Variants in PRR16 observed in about 807,000 individuals in gnomAD.
PRR16 encodes the protein protein Largen.
In PRR16, 6 loss-of-function variants were observed where a neutral mutation model predicts 18.2. That is an observed-to-expected ratio of 0.33 (90% CI 0.18 to 0.65). The LOEUF is 0.65. Ranked by LOEUF, PRR16 falls within the 30% of genes least tolerant of loss-of-function variation. The pLI, the probability that PRR16 is intolerant of heterozygous loss-of-function variation, is 0.74. For synonymous variants in PRR16, 151 were observed against 147.8 expected (o/e 1.02, Z -0.16); for missense variants, 412 against 376.6 (o/e 1.09, Z -0.78).
At chr5:120,661,784 G>A (rs148711122) in intron 1 of PRR16, among the ~76,000 whole-genome samples, 363 of 152,032 alleles carry the variant, frequency 2.4e-3, no homozygotes, top group Non-Finnish European at 3.3e-3. Context: ...TCTAGATCAC[G>A]CTACAGTACC....
At chr5:120,600,830 G>T (rs1753958114) in intron 1 of PRR16, among the ~76,000 whole-genome samples, 1 of 151,818 alleles carries the variant, frequency 6.6e-6, no homozygotes, top group African/African-American at 2.4e-5. Context: ...GAAGTATTTG[G>T]TTTTCTGTTC....
chr5:120,763,222 C>G, the PRR16 span, among the ~76,000 whole-genome samples: 1 of 152,064 alleles, frequency 6.6e-6, no homozygotes, highest in East Asian at 1.9e-4. Flanking sequence ...TATCGGCTCA[C>G]TGCAACCTCT....
At chr5:120,711,213 A>G in the PRR16 span, among the ~76,000 whole-genome samples, 7 of 152,208 alleles carry the variant, frequency 4.6e-5, no homozygotes, top group Non-Finnish European at 7.3e-5. Flanking sequence ...TTGCCATATA[A>G]CAGCATATTC....
At chr5:120,754,231 A>AT in the PRR16 span, among the ~76,000 whole-genome samples, 15 of 87,644 alleles carry the variant, frequency 1.7e-4, 1 homozygote, top group East Asian at 1.6e-3. Context: ...TATATAATAT[A>AT]ATATATAATT....
At chr5:120,555,803 T>G (rs1240106676) in intron 1 of PRR16, among the ~76,000 whole-genome samples, 6 of 126,690 alleles carry the variant, frequency 4.7e-5, no homozygotes, top group Admixed American at 7.9e-5. Context: ...CTAGAAAGGT[T>G]TTTTTTTTTT....
intron 1 of PRR16, among the ~76,000 whole-genome samples, chr5:120,570,529 A>G (rs1001831965): frequency 6.6e-6 from 1 of 152,168 alleles, no homozygotes; most frequent in African/African-American, 2.4e-5. Context: ...ATTACATGCA[A>G]GTACCCAGGA....
chr5:120,636,137 C>G (rs970250472), intron 1 of PRR16, among the ~76,000 whole-genome samples: 1 of 152,004 alleles, frequency 6.6e-6, no homozygotes, highest in East Asian at 1.9e-4. Context: ...ATGACACAAA[C>G]AAATGAAAAC....
At chr5:120,666,146 T>C (rs1346169444) in intron 1 of PRR16, among the ~76,000 whole-genome samples, 1 of 152,202 alleles carries the variant, frequency 6.6e-6, no homozygotes. Context: ...AGCAGTGGTT[T>C]GTAGTTTTCC....
chr5:120,710,526 G>A, the PRR16 span, among the ~76,000 whole-genome samples: 10 of 152,114 alleles, frequency 6.6e-5, no homozygotes, highest in Non-Finnish European at 1.3e-4. Flanking sequence ...ACTACCACAT[G>A]CATGGTAGCT....
chr5:120,760,718 G>A, the PRR16 span, among the ~76,000 whole-genome samples: 1 of 152,110 alleles, frequency 6.6e-6, no homozygotes, highest in Non-Finnish European at 1.5e-5. Flanking sequence ...GAGAGTTAAG[G>A]CCCCAGGGAG....
chr5:120,483,840 C>T (rs146009515), intron 1 of PRR16, among the ~76,000 whole-genome samples: 5 of 151,994 alleles, frequency 3.3e-5, no homozygotes, highest in Non-Finnish European at 7.4e-5. Flanking sequence ...AAAGAAATAC[C>T]TACAGTTGGT....
At chr5:120,733,557 C>T in the PRR16 span, among the ~76,000 whole-genome samples, 1 of 152,086 alleles carries the variant, frequency 6.6e-6, no homozygotes, top group Non-Finnish European at 1.5e-5. Context: ...ACCTGTATTG[C>T]TGAAAATTAT....
the PRR16 span, among the ~76,000 whole-genome samples, chr5:120,772,828 G>A: frequency 2.8e-3 from 424 of 152,118 alleles, 7 homozygotes; most frequent in African/African-American, 9.6e-3. Flanking sequence ...TAACCCTGAG[G>A]CTGTTCAGTC....
chr5:120,512,409 C>G (rs1004664970), intron 1 of PRR16, among the ~76,000 whole-genome samples: 2 of 152,072 alleles, frequency 1.3e-5, no homozygotes, highest in African/African-American at 4.8e-5. Context: ...CTCACTCTTG[C>G]TCTGAGACTC....
chr5:120,699,672 C>T, the PRR16 span, among the ~76,000 whole-genome samples: 1 of 152,112 alleles, frequency 6.6e-6, no homozygotes, highest in Non-Finnish European at 1.5e-5. Flanking sequence ...CAGTGGCAGC[C>T]GCTGCACGCA....
the PRR16 span, among the ~76,000 whole-genome samples, chr5:120,697,733 G>A: frequency 2.8e-4 from 42 of 151,920 alleles, no homozygotes; most frequent in Non-Finnish European, 4.9e-4. Context: ...GTTCTCTGGC[G>A]GGCAGGAGTG....
intron 1 of PRR16, among the ~76,000 whole-genome samples, chr5:120,465,229 T>C (rs936285386): frequency 6.6e-6 from 1 of 152,176 alleles, no homozygotes; most frequent in Non-Finnish European, 1.5e-5. Flanking sequence ...GGAGGGGGTC[T>C]GGGACTTTCT....
the PRR16 span, among the ~76,000 whole-genome samples, chr5:120,762,256 G>A: frequency 6.6e-6 from 1 of 151,968 alleles, no homozygotes; most frequent in Admixed American, 6.6e-5. Context: ...AAATTTTCAT[G>A]GTAGTTCTAT....
At chr5:120,474,938 T>C (rs932260585) in intron 1 of PRR16, among the ~76,000 whole-genome samples, 5 of 152,164 alleles carry the variant, frequency 3.3e-5, no homozygotes, top group African/African-American at 1.2e-4. Flanking sequence ...CATCAATTAG[T>C]CTTATGCTGC....
Sources: gnomAD v4.1 joint callset for allele counts (sites outside exome capture counted in the v4.1 genomes callset) on GRCh38, gnomAD v4.1.1 for gene constraint, MANE v1.5 for transcripts, NCBI Gene and HGNC (gene_info 2026-07-23, HGNC 2026-07-21) for gene names.